Variants in SLC26A7 observed in about 807,000 individuals in gnomAD.
SLC26A7 encodes the protein anion exchange transporter.
SLC26A7 carries 59 observed loss-of-function variants against 82.5 expected under a neutral mutation model. That is an observed-to-expected ratio of 0.72 (90% CI 0.58 to 0.89). The LOEUF (loss-of-function observed/expected upper bound fraction) is 0.89. Among genes scored for constraint, SLC26A7 ranks in the 40% least tolerant of loss-of-function variants. The probability of loss-of-function intolerance (pLI) is 0.00; values close to 1 mark genes in which losing one functional copy is unlikely to be tolerated. For synonymous variants in SLC26A7, 271 were observed against 274.3 expected, an observed-to-expected ratio of 0.99 and a Z score of 0.12; for missense variants, 820 against 793.0, an observed-to-expected ratio of 1.03 and a Z score of -0.41.
intron 15 of SLC26A7, among the ~76,000 whole-genome samples, chr8:91,387,176 C>T (rs1021447513): frequency 6.6e-6 from 1 of 152,066 alleles, no homozygotes; most frequent in African/African-American, 2.4e-5. Context: ...GTACTCTCTG[C>T]ATAGAGTATT....
chr8:91,241,756 A>G (rs1810476802), intron 2 of SLC26A7, among the ~76,000 whole-genome samples: 1 of 152,208 alleles, frequency 6.6e-6, no homozygotes, highest in African/African-American at 2.4e-5. Context: ...AAAAATAATT[A>G]TAAGCCCTCC....
chr8:91,209,812 A>G (rs555365082), intron 1 of SLC26A7, among the ~76,000 whole-genome samples: 1 of 152,220 alleles, frequency 6.6e-6, no homozygotes, highest in East Asian at 1.9e-4. Context: ...TAAGCCAAGA[A>G]GAGGAGATAT....
chr8:91,285,047 A>T (rs187310379), intron 2 of SLC26A7, among the ~76,000 whole-genome samples: 3 of 152,340 alleles, frequency 2.0e-5, no homozygotes, highest in Non-Finnish European at 4.4e-5. Flanking sequence ...GAAGCCCAAA[A>T]TTAAGGTGTT....
intron 4 of SLC26A7, among the ~76,000 whole-genome samples, chr8:91,310,201 C>G (rs562695634): frequency 6.6e-6 from 1 of 152,248 alleles, no homozygotes; most frequent in South Asian, 2.1e-4. Flanking sequence ...TACTGCCCTG[C>G]TCATGTCTGA....
At chr8:91,394,472 T>C in intron 18 of SLC26A7, 1 of 1,379,396 alleles carries the variant, frequency 7.2e-7, no homozygotes, top group South Asian at 1.8e-5. Context: ...TTGTAGAATC[T>C]AGTGCTCACA....
chr8:91,381,809 G>A (rs951759823), intron 15 of SLC26A7, among the ~76,000 whole-genome samples: 1 of 152,094 alleles, frequency 6.6e-6, no homozygotes, highest in African/African-American at 2.4e-5. Context: ...AAATGCTGAG[G>A]TTATGTGCAC....
upstream of SLC26A7, among the ~76,000 whole-genome samples, chr8:91,249,093 A>G (rs116209645): frequency 4.8e-3 from 732 of 152,270 alleles, 6 homozygotes; most frequent in African/African-American, 0.017. Context: ...TCAAAGAAAT[A>G]GGGCTGGATT....
At chr8:91,318,113 T>C (rs1308957588) in intron 4 of SLC26A7, 103 bp from the exon 5 acceptor site, 2 of 1,009,362 alleles carry the variant, frequency 2.0e-6, no homozygotes, top group Admixed American at 2.5e-5. Context: ...CAGTTCTCTA[T>C]GATTCTATCA....
chr8:91,372,279 T>C (rs191063639), intron 15 of SLC26A7, among the ~76,000 whole-genome samples: 17 of 152,120 alleles, frequency 1.1e-4, no homozygotes, highest in Admixed American at 1.0e-3. Flanking sequence ...TGCATTTGTT[T>C]TGAGATCATA....
chr8:91,291,366 T>C (rs1447364621), intron 3 of SLC26A7, among the ~76,000 whole-genome samples: 1 of 152,226 alleles, frequency 6.6e-6, no homozygotes. Flanking sequence ...TCTTTTGTAT[T>C]GATGCAAAAA....
At position 91,288,475 on chromosome 8, in the gene SLC26A7, G is replaced by A. The variant is rs561193568; in HGVS notation, c.194-661G>A. On this transcript the variant is annotated intron_variant, in intron 2 of 18. Transcript: ENST00000276609. The stretch of plus-strand genomic sequence containing the variant: ...CTATGTAGGCAATAGTCTTTACAAG[G>A]AATAAAAATTAACAGTTATGAATTA... Among the ~76,000 whole-genome samples, 6 of 152,186 alleles carry A rather than the reference G, an allele frequency of 3.9e-5. No homozygotes were observed. In the South Asian group the frequency reaches 1.2e-3, roughly 32 times the overall value.
At chr8:91,346,589 A>G (rs1392621800) in intron 9 of SLC26A7, among the ~76,000 whole-genome samples, 2 of 152,188 alleles carry the variant, frequency 1.3e-5, no homozygotes, top group African/African-American at 4.8e-5. Flanking sequence ...TAATGAATTT[A>G]CCAACTGACT....
intron 5 of SLC26A7, among the ~76,000 whole-genome samples, chr8:91,329,848 A>G (rs1281616202): frequency 6.6e-6 from 1 of 152,068 alleles, no homozygotes; most frequent in Non-Finnish European, 1.5e-5. Context: ...CCTGTAGAAT[A>G]TTTCTCACTG....
chr8:91,360,992 A>G (rs1344237482), intron 11 of SLC26A7, among the ~76,000 whole-genome samples: 1 of 152,144 alleles, frequency 6.6e-6, no homozygotes, highest in Non-Finnish European at 1.5e-5. Context: ...GAATAAAGAA[A>G]AACCATCTCA....
At chr8:91,218,846 T>G in intron 1 of SLC26A7, 1 of 1,222,740 alleles carries the variant, frequency 8.2e-7, no homozygotes, top group Admixed American at 2.2e-5. Context: ...GAAAAATACT[T>G]ATTGAACACT....
At chr8:91,352,052 G>A (rs965668686) in intron 10 of SLC26A7, among the ~76,000 whole-genome samples, 165 bp downstream of exon 10, 7 of 151,978 alleles carry the variant, frequency 4.6e-5, no homozygotes, top group African/African-American at 1.4e-4. Flanking sequence ...CACATTTGAG[G>A]CAGGCGTGGG....
intron 5 of SLC26A7, among the ~76,000 whole-genome samples, chr8:91,330,027 C>G (rs1813035028): frequency 6.6e-6 from 1 of 152,042 alleles, no homozygotes; most frequent in Admixed American, 6.6e-5. Context: ...GTAGTACCTA[C>G]TTTTCTTTTG....
At chr8:91,220,942 TG>T (rs1398780632) in intron 2 of SLC26A7, among the ~76,000 whole-genome samples, 2 of 152,216 alleles carry the variant, frequency 1.3e-5, no homozygotes, top group Non-Finnish European at 2.9e-5. Context: ...TCTTCCAGAA[TG>T]GTTGAACTAA....
intron 2 of SLC26A7, among the ~76,000 whole-genome samples, chr8:91,279,303 A>G (rs1811502411): frequency 6.6e-6 from 1 of 151,592 alleles, no homozygotes; most frequent in Non-Finnish European, 1.5e-5. Flanking sequence ...TTTTCTTTGG[A>G]TATATGCCCA....
Sources: gnomAD v4.1 joint callset for allele counts (sites outside exome capture counted in the v4.1 genomes callset) on GRCh38, gnomAD v4.1.1 for gene constraint, MANE v1.5 for transcripts, NCBI Gene and HGNC (gene_info 2026-07-23, HGNC 2026-07-21) for gene names.